MEF2C: variants seen among roughly 807,000 people sequenced by gnomAD.
The protein encoded by MEF2C is myocyte enhancer factor 2C.
A neutral mutation model predicts 50.5 loss-of-function variants in MEF2C; 6 were observed. The observed-to-expected ratio is 0.12, with a 90% CI of 0.07 to 0.23. MEF2C has a LOEUF of 0.23. Among genes scored for constraint, MEF2C ranks in the 10% least tolerant of loss-of-function variants. MEF2C has a pLI of 1.00. For synonymous variants in MEF2C, 183 were observed against 228.0 expected, an observed-to-expected ratio of 0.80 and a Z score of 1.78; for missense variants, 276 against 605.0, an observed-to-expected ratio of 0.46 and a Z score of 5.70.
intron 1 of MEF2C, chr5:88,903,859 A>G (rs1835909938): frequency 6.6e-6 from 1 of 151,846 alleles, no homozygotes; most frequent in South Asian, 2.1e-4. Context: ...GCCTCTTTCA[A>G]GACAACAAAA....
chr5:88,874,866 T>A (rs1282443726), intron 1 of MEF2C, among the ~76,000 whole-genome samples: 2 of 151,916 alleles, frequency 1.3e-5, no homozygotes, highest in African/African-American at 4.8e-5. Context: ...TTAGAACAAA[T>A]ATTTATTAAG....
chr5:88,889,037 T>A (rs1561490954), intron 1 of MEF2C: 2 of 152,182 alleles, frequency 1.3e-5, no homozygotes, highest in South Asian at 2.1e-4. Flanking sequence ...TTTTTCATTT[T>A]AAAAAATCTT....
intron 1 of MEF2C, among the ~76,000 whole-genome samples, chr5:88,868,539 G>A (rs894221448): frequency 1.3e-5 from 2 of 152,084 alleles, no homozygotes; most frequent in African/African-American, 2.4e-5. Context: ...CTCCAAGTCC[G>A]TGTGACACCC....
At chr5:88,901,999 T>C (rs1186885960) in intron 1 of MEF2C, among the ~76,000 whole-genome samples, 2 of 151,696 alleles carry the variant, frequency 1.3e-5, no homozygotes, top group Non-Finnish European at 3.0e-5. Context: ...TTAATGACAA[T>C]GTAATAATTA....
chr5:88,749,268 T>C (rs995814554), intron 5 of MEF2C, 151 bp from the exon 6 acceptor site: 11 of 1,259,574 alleles, frequency 8.7e-6, no homozygotes, highest in African/African-American at 1.5e-5. Flanking sequence ...ATTTGTTTTA[T>C]TGTGCCATGC....
intron 3 of MEF2C, among the ~76,000 whole-genome samples, chr5:88,791,629 C>G (rs985098881): frequency 1.3e-5 from 2 of 151,874 alleles, no homozygotes; most frequent in Non-Finnish European, 2.9e-5. Context: ...GTAAATTAAG[C>G]AAGAAGATTA....
intron 1 of MEF2C, among the ~76,000 whole-genome samples, chr5:88,902,235 G>A (rs1393297401): frequency 6.6e-6 from 1 of 151,466 alleles, no homozygotes; most frequent in African/African-American, 2.4e-5. Flanking sequence ...AAAATTTAGC[G>A]ACTATAGTTA....
At chr5:88,888,299 A>C (rs982563287) in intron 1 of MEF2C, 2 of 152,250 alleles carry the variant, frequency 1.3e-5, no homozygotes, top group Non-Finnish European at 2.9e-5. Context: ...GACTGAGGCT[A>C]GTCCCAGAAA....
intron 6 of MEF2C, chr5:88,734,561 G>GTTTGTT (rs1414431074): frequency 3.0e-3 from 767 of 254,294 alleles, no homozygotes; most frequent in Non-Finnish European, 3.5e-3. Flanking sequence ...CTTGAGAAAA[G>GTTTGTT]TTTGTTTTTT....
upstream of MEF2C, chr5:88,883,306 G>A (rs1456269003): frequency 6.5e-6 from 1 of 153,004 alleles, no homozygotes; most frequent in African/African-American, 2.4e-5. Flanking sequence ...CTCGGAAGAG[G>A]AGGAGGAGGA....
chr5:88,881,047 T>A (rs1406219589), intron 1 of MEF2C: 3 of 152,110 alleles, frequency 2.0e-5, no homozygotes. Flanking sequence ...AACATTCGAA[T>A]GCTGTGTGAA....
chr5:88,819,674 T>A (rs1315719875), intron 2 of MEF2C, among the ~76,000 whole-genome samples: 1 of 152,004 alleles, frequency 6.6e-6, no homozygotes. Flanking sequence ...GAAATTTTTG[T>A]TATATATTTT....
At chr5:88,852,048 T>C (rs760692942) in intron 1 of MEF2C, among the ~76,000 whole-genome samples, 1 of 152,186 alleles carries the variant, frequency 6.6e-6, no homozygotes, top group Non-Finnish European at 1.5e-5. Flanking sequence ...TAATTGTACT[T>C]GGCAGTCATA....
chr5:88,859,105 C>T (rs1293330932), intron 1 of MEF2C, among the ~76,000 whole-genome samples: 1 of 152,144 alleles, frequency 6.6e-6, no homozygotes, highest in African/African-American at 2.4e-5. Flanking sequence ...ATCCATATGG[C>T]TTCTTACTAT....
At chr5:88,805,391 TTTC>T (rs1799963814) in intron 2 of MEF2C, among the ~76,000 whole-genome samples, 1 of 152,212 alleles carries the variant, frequency 6.6e-6, no homozygotes, top group Admixed American at 6.5e-5. Context: ...TCTGTGTATC[TTTC>T]TTCTTCTCTC....
chr5:88,849,145 T>G lies in MEF2C; in HGVS notation c.-142-25215A>C, dbSNP rs150111223. ...CAGATTGGGCAACAGAGTGAGACTTTGTCTCAAAAAAAAAAAAAAAAAAAA... is the reference window on the plus strand; with the variant it reads ...CAGATTGGGCAACAGAGTGAGACTTGGTCTCAAAAAAAAAAAAAAAAAAAA... On this transcript the variant is annotated intron_variant, in intron 1 of 10. Coordinates refer to ENST00000504921, the MANE Select transcript of MEF2C (RefSeq NM_002397.5). 6.4e-3 allele frequency among the ~76,000 whole-genome samples: 834 copies of G among 131,290 alleles called. 51 individuals are homozygous for G. The East Asian group carries it at 0.13, about 21-fold the overall frequency. 86.1% of individuals were successfully genotyped at this position (131,290 alleles called of 152,430 possible).
At chr5:88,788,589 A>T (rs762622678) in intron 3 of MEF2C, among the ~76,000 whole-genome samples, 2 of 152,226 alleles carry the variant, frequency 1.3e-5, no homozygotes, top group African/African-American at 2.4e-5. Flanking sequence ...TTTCTTTCAT[A>T]ATGGACAATT....
intron 10 of MEF2C, among the ~76,000 whole-genome samples, chr5:88,724,303 T>C (rs74746041): frequency 9.5e-4 from 145 of 152,196 alleles, no homozygotes; most frequent in African/African-American, 3.4e-3. Flanking sequence ...AACTTGGGGC[T>C]GGCTTTTTGG....
intron 3 of MEF2C, chr5:88,782,136 A>C (rs1788408399): frequency 2.0e-6 from 2 of 979,148 alleles, no homozygotes; most frequent in South Asian, 4.7e-5. Flanking sequence ...ATTTTGATTT[A>C]TGTTTCAATT....
Sources: gnomAD v4.1 joint callset for allele counts (sites outside exome capture counted in the v4.1 genomes callset) on GRCh38, gnomAD v4.1.1 for gene constraint, MANE v1.5 for transcripts, NCBI Gene and HGNC (gene_info 2026-07-23, HGNC 2026-07-21) for gene names.